The following BRINP3 variants were observed in gnomAD, a reference collection of about 807,000 sequenced individuals.
BRINP3 encodes the protein BMP/retinoic acid inducible neural specific 3, also known as BMP/retinoic acid-inducible neural-specific protein 3.
BRINP3 carries 19 observed loss-of-function variants against 71.0 expected under a neutral mutation model. The ratio of observed to expected loss-of-function variants is 0.27; its 90% CI spans 0.19 to 0.39. The LOEUF is 0.39. Among genes scored for constraint, BRINP3 ranks in the 10% least tolerant of loss-of-function variants. The pLI is 1.00. For missense variants in BRINP3, 959 were observed against 940.8 expected (o/e 1.02, Z -0.25); for synonymous variants, 380 against 337.7 (o/e 1.13, Z -1.37).
At chr1:190,192,037 A>G (rs183182662) in intron 6 of BRINP3, among the ~76,000 whole-genome samples, 30 of 152,260 alleles carry the variant, frequency 2.0e-4, no homozygotes, top group South Asian at 1.4e-3. Flanking sequence ...TTGACTTATT[A>G]TTTCACTAAT....
At chr1:190,394,787 C>T (rs1482215098) in intron 2 of BRINP3, among the ~76,000 whole-genome samples, 1 of 151,290 alleles carries the variant, frequency 6.6e-6, no homozygotes, top group Non-Finnish European at 1.5e-5. Context: ...AATTCATATT[C>T]TTACAAAATA....
intron 6 of BRINP3, among the ~76,000 whole-genome samples, chr1:190,201,386 T>C (rs1654991323): frequency 1.3e-5 from 2 of 152,184 alleles, no homozygotes; most frequent in South Asian, 2.1e-4. Flanking sequence ...AGGCATTCAA[T>C]TTTATCAGGA....
chr1:190,457,636 C>G (rs1186300270), intron 1 of BRINP3, among the ~76,000 whole-genome samples: 3 of 152,018 alleles, frequency 2.0e-5, no homozygotes, highest in Non-Finnish European at 4.4e-5. Context: ...TAGTGCCTAC[C>G]ATATGGTAAG....
chr1:190,224,367 C>T (rs1657147766), intron 6 of BRINP3, among the ~76,000 whole-genome samples: 2 of 151,364 alleles, frequency 1.3e-5, no homozygotes, highest in Non-Finnish European at 3.0e-5. Context: ...TTGACAAAGA[C>T]TACACATACG....
chr1:190,222,006 T>A (rs969061631), intron 6 of BRINP3, among the ~76,000 whole-genome samples: 2 of 151,782 alleles, frequency 1.3e-5, no homozygotes, highest in Admixed American at 1.3e-4. Flanking sequence ...AATGAACATA[T>A]CATCCAGACA....
At chr1:190,119,954 T>C (rs1653498919) in intron 7 of BRINP3, among the ~76,000 whole-genome samples, 1 of 152,212 alleles carries the variant, frequency 6.6e-6, no homozygotes, top group South Asian at 2.1e-4. Context: ...GTTTGTTAGC[T>C]TAACTCTTTT....
chr1:190,119,769 T>C (rs1653476914), intron 7 of BRINP3, among the ~76,000 whole-genome samples: 1 of 152,202 alleles, frequency 6.6e-6, no homozygotes, highest in African/African-American at 2.4e-5. Flanking sequence ...GCCTTCCATG[T>C]ATCTTTTTGT....
intron 4 of BRINP3, among the ~76,000 whole-genome samples, chr1:190,258,910 TG>T (rs1203913927): frequency 3.3e-5 from 5 of 152,110 alleles, no homozygotes; most frequent in Non-Finnish European, 7.4e-5. Flanking sequence ...TGGCCAAAGT[TG>T]GAGGATCTCT....
At chr1:190,328,159 G>T (rs1666734620) in intron 2 of BRINP3, among the ~76,000 whole-genome samples, 1 of 151,912 alleles carries the variant, frequency 6.6e-6, no homozygotes, top group African/African-American at 2.4e-5. Context: ...ACTAGAAAAA[G>T]AAACAAAGTG....
chr1:190,157,286 G>T lies in BRINP3; in HGVS notation c.1184+3382C>A, dbSNP rs138367431. On this transcript the variant is annotated intron_variant, in intron 7 of 7. Coordinates refer to ENST00000367462, the MANE Select transcript of BRINP3 (RefSeq NM_199051.3). Reference sequence around the variant, plus strand: ...GGATGAGGAACTTGGTGATGGAAAAGGTTGTGTGAAAATCTTTTTGATTGG... The same window carrying T: ...GGATGAGGAACTTGGTGATGGAAAATGTTGTGTGAAAATCTTTTTGATTGG... 3.3e-5 allele frequency among the ~76,000 whole-genome samples: 5 copies of T among 152,040 alleles called. No homozygotes were observed. In the East Asian group the frequency reaches 9.7e-4, roughly 29 times the overall value.
intron 2 of BRINP3, among the ~76,000 whole-genome samples, chr1:190,448,279 A>T: frequency 6.6e-6 from 1 of 151,716 alleles, no homozygotes; most frequent in Middle Eastern, 3.4e-3. Flanking sequence ...ATAAGGATAT[A>T]TTTAATTTAT....
intron 2 of BRINP3, among the ~76,000 whole-genome samples, chr1:190,441,771 C>A (rs1302402707): frequency 1.3e-5 from 2 of 151,982 alleles, no homozygotes; most frequent in Non-Finnish European, 2.9e-5. Context: ...GAATCTAGTT[C>A]TCCCTAATAG....
intron 4 of BRINP3, among the ~76,000 whole-genome samples, chr1:190,237,922 T>C (rs1658682601): frequency 6.6e-6 from 1 of 151,942 alleles, no homozygotes; most frequent in African/African-American, 2.4e-5. Flanking sequence ...GAGACCTACA[T>C]CTCATCTGGA....
At chr1:190,230,571 TATA>T (rs1343554433) in intron 5 of BRINP3, among the ~76,000 whole-genome samples, 2 of 151,914 alleles carry the variant, frequency 1.3e-5, no homozygotes, top group Non-Finnish European at 2.9e-5. Flanking sequence ...ACAAATGAAA[TATA>T]ATTCCTGTTG....
At position 190,447,543 on chromosome 1, in the gene BRINP3, A is replaced by AAT. The variant is rs993776911; in HGVS notation, c.236+7110_236+7111dup. ...CCACTTTTGCACTATATATATATAA[A>AAT]ATATATATATATAAATGTACGTACA... On this transcript the variant is annotated intron_variant, in intron 2 of 7. Transcript: ENST00000367462. 7.5e-5 allele frequency among the ~76,000 whole-genome samples: 11 copies of AAT among 146,430 alleles called. No individual in the cohort carries two copies. The East Asian group carries it at 1.6e-3, about 21-fold the overall frequency.
chr1:190,210,106 A>C (rs1655858006), intron 6 of BRINP3, among the ~76,000 whole-genome samples: 1 of 152,114 alleles, frequency 6.6e-6, no homozygotes, highest in South Asian at 2.1e-4. Context: ...TTACTGTAAA[A>C]GGTATGAATG....
At chr1:190,376,158 C>A (rs975470550) in intron 2 of BRINP3, among the ~76,000 whole-genome samples, 3 of 148,014 alleles carry the variant, frequency 2.0e-5, no homozygotes, top group South Asian at 2.1e-4. Flanking sequence ...ATGAACATAG[C>A]TTTTTTTTTT....
intron 2 of BRINP3, among the ~76,000 whole-genome samples, chr1:190,453,464 G>A (rs566352223): frequency 6.6e-6 from 1 of 151,742 alleles, no homozygotes; most frequent in Non-Finnish European, 1.5e-5. Context: ...TGATCCGCCC[G>A]TCTCTGCCTC....
At chr1:190,358,005 T>C (rs1368184136) in intron 2 of BRINP3, among the ~76,000 whole-genome samples, 8 of 152,158 alleles carry the variant, frequency 5.3e-5, no homozygotes, top group African/African-American at 1.9e-4. Context: ...ATACAAAAAT[T>C]AATTCAGGAT....
Sources: gnomAD v4.1 joint callset for allele counts (sites outside exome capture counted in the v4.1 genomes callset) on GRCh38, gnomAD v4.1.1 for gene constraint, MANE v1.5 for transcripts, NCBI Gene and HGNC (gene_info 2026-07-23, HGNC 2026-07-21) for gene names.